The following ESRRG variants were observed in gnomAD, a reference collection of about 807,000 sequenced individuals.
ESRRG encodes the protein estrogen-related receptor gamma.
In ESRRG, 13 loss-of-function variants were observed where a neutral mutation model predicts 44.0. That is an observed-to-expected ratio of 0.30 (90% CI 0.19 to 0.47). The LOEUF is 0.47. Among genes scored for constraint, ESRRG ranks in the 20% least tolerant of loss-of-function variants. ESRRG has a pLI of 1.00. For missense variants in ESRRG, 395 were observed against 580.6 expected (o/e 0.68, Z 3.29); for synonymous variants, 215 against 214.6 (o/e 1.00, Z -0.02).
At chr1:216,695,573 C>G (rs967396294) in intron 1 of ESRRG, among the ~76,000 whole-genome samples, 1 of 152,134 alleles carries the variant, frequency 6.6e-6, no homozygotes, top group Non-Finnish European at 1.5e-5. Flanking sequence ...CCCAGTACTT[C>G]ATGTTATGCT....
At chr1:216,702,378 T>A (rs1456296248) in intron 1 of ESRRG, among the ~76,000 whole-genome samples, 1 of 152,032 alleles carries the variant, frequency 6.6e-6, no homozygotes, top group Non-Finnish European at 1.5e-5. Flanking sequence ...TAAGTTTCAG[T>A]TCCCATTTTA....
intron 5 of ESRRG, among the ~76,000 whole-genome samples, chr1:216,555,405 T>A (rs576432082): frequency 2.0e-5 from 3 of 152,326 alleles, no homozygotes; most frequent in South Asian, 4.1e-4. Context: ...AATTAGGTTA[T>A]TTTCCAGTTT....
chr1:216,540,498 G>A (rs1242962862), intron 5 of ESRRG, among the ~76,000 whole-genome samples: 1 of 151,898 alleles, frequency 6.6e-6, no homozygotes, highest in African/African-American at 2.4e-5. Flanking sequence ...CAACTCACAA[G>A]AGCAACTTCT....
intron 2 of ESRRG, among the ~76,000 whole-genome samples, chr1:216,937,432 C>T (rs1332535848): frequency 6.6e-6 from 1 of 152,080 alleles, no homozygotes; most frequent in African/African-American, 2.4e-5. Flanking sequence ...GGTCATTAGT[C>T]AATTAGTCAG....
At chr1:217,043,963 T>G (rs17687992) in intron 1 of ESRRG, among the ~76,000 whole-genome samples, 29,538 of 151,986 alleles carry the variant, frequency 0.19, 3,040 homozygotes, top group Middle Eastern at 0.33. Context: ...AACTTTACCT[T>G]TCTCCAATTT....
At chr1:216,696,047 A>G (rs1003864411) in intron 1 of ESRRG, among the ~76,000 whole-genome samples, 1 of 152,184 alleles carries the variant, frequency 6.6e-6, no homozygotes, top group Non-Finnish European at 1.5e-5. Flanking sequence ...GTGTATGGTG[A>G]ATTCTCAAAA....
At chr1:216,756,605 A>G (rs1285139914) in intron 2 of ESRRG, among the ~76,000 whole-genome samples, 2 of 152,030 alleles carry the variant, frequency 1.3e-5, no homozygotes, top group East Asian at 1.9e-4. Context: ...CATTCTAGCT[A>G]CTTTAAAAGA....
Position 216,751,485 on chromosome 1 carries a change from AT to A in ESRRG, c.-13-73995del, listed in dbSNP as rs1576142384. Among the ~76,000 whole-genome samples, 4 of 152,148 alleles carry A rather than the reference AT, an allele frequency of 2.6e-5. No individual in the cohort carries two copies. In the East Asian group the frequency reaches 7.8e-4, roughly 30 times the overall value. On this transcript the variant is annotated intron_variant, in intron 2 of 7. Coordinates refer to the ESRRG transcript ENST00000359162. ...CAACCACTGACATTTGGTGGGGGGT[AT>A]TTTGCCTCAGCCCAGCTGTGCAAAC...
At chr1:216,596,967 G>A (rs2058529665) in intron 3 of ESRRG, among the ~76,000 whole-genome samples, 3 of 152,090 alleles carry the variant, frequency 2.0e-5, no homozygotes, top group African/African-American at 4.8e-5. Flanking sequence ...CCATGTTTGT[G>A]ATACAGGTAA....
intron 1 of ESRRG, among the ~76,000 whole-genome samples, chr1:216,692,043 A>T (rs866339586): frequency 2.6e-5 from 4 of 152,306 alleles, no homozygotes; most frequent in Middle Eastern, 3.4e-3. Context: ...ATAGATTACT[A>T]CTTTACTGGT....
At chr1:216,707,578 T>C in intron 1 of ESRRG, 1 of 1,300,122 alleles carries the variant, frequency 7.7e-7, no homozygotes, top group Non-Finnish European at 1.0e-6. Flanking sequence ...GAATTTATTT[T>C]ATGAAGACTG....
At chr1:216,972,149 T>C (rs769357938) in intron 1 of ESRRG, among the ~76,000 whole-genome samples, 6 of 152,186 alleles carry the variant, frequency 3.9e-5, no homozygotes, top group Non-Finnish European at 5.9e-5. Flanking sequence ...GGAGTGCCAG[T>C]TGGCTTTCTC....
intron 2 of ESRRG, among the ~76,000 whole-genome samples, chr1:216,746,919 A>T (rs1488273716): frequency 6.6e-6 from 1 of 152,094 alleles, no homozygotes; most frequent in Non-Finnish European, 1.5e-5. Flanking sequence ...AAACGGCCTT[A>T]TTTAACTTAA....
At chr1:216,554,923 G>C (rs1323177699) in intron 5 of ESRRG, among the ~76,000 whole-genome samples, 2 of 152,126 alleles carry the variant, frequency 1.3e-5, no homozygotes, top group African/African-American at 4.8e-5. Flanking sequence ...TCCCTCAACA[G>C]AGGTGATGCA....
At chr1:217,029,679 A>G (rs2081760190) in intron 1 of ESRRG, among the ~76,000 whole-genome samples, 1 of 152,184 alleles carries the variant, frequency 6.6e-6, no homozygotes, top group Admixed American at 6.5e-5. Context: ...CTTGAGCCAG[A>G]ATATTTATAC....
chr1:216,531,252 C>T (rs900237840), intron 5 of ESRRG, among the ~76,000 whole-genome samples: 19 of 152,088 alleles, frequency 1.2e-4, no homozygotes, highest in African/African-American at 3.4e-4. Context: ...AAGACCTAGG[C>T]ATAATTTGTG....
chr1:216,922,527 C>G (rs2061973219), intron 2 of ESRRG, among the ~76,000 whole-genome samples: 1 of 152,176 alleles, frequency 6.6e-6, no homozygotes, highest in Admixed American at 6.5e-5. Context: ...GTTGCCTGTT[C>G]ATTAACTAGG....
At chr1:217,119,922 G>T (rs1306217969) in intron 1 of ESRRG, among the ~76,000 whole-genome samples, 1 of 152,186 alleles carries the variant, frequency 6.6e-6, no homozygotes, top group Non-Finnish European at 1.5e-5. Flanking sequence ...CACAAACATT[G>T]CTGGGCAAAT....
intron 1 of ESRRG, among the ~76,000 whole-genome samples, chr1:217,021,504 A>G (rs549384258): frequency 6.6e-5 from 10 of 152,310 alleles, no homozygotes; most frequent in Non-Finnish European, 1.5e-4. Flanking sequence ...AATGCAGGAG[A>G]TTGATGGGAT....
Sources: gnomAD v4.1 joint callset for allele counts (sites outside exome capture counted in the v4.1 genomes callset) on GRCh38, gnomAD v4.1.1 for gene constraint, MANE v1.5 for transcripts, NCBI Gene and HGNC (gene_info 2026-07-23, HGNC 2026-07-21) for gene names.